The following BACH2 variants were observed in gnomAD, a reference collection of about 807,000 sequenced individuals.
BACH2 encodes the protein transcription regulator protein BACH2.
Under a neutral mutation model 61.8 loss-of-function variants are expected in BACH2, and 5 were observed. The ratio of observed to expected loss-of-function variants is 0.08; its 90% confidence interval spans 0.04 to 0.17. The LOEUF is 0.17. BACH2 is among the 10% of genes least tolerant of loss of function. The pLI is 1.00. For synonymous variants in BACH2, 446 were observed against 440.1 expected (o/e 1.01, Z -0.17); for missense variants, 824 against 1,091.1 (o/e 0.76, Z 3.45).
At chr6:90,104,590 T>C (rs899552735) in intron 4 of BACH2, among the ~76,000 whole-genome samples, 1 of 152,206 alleles carries the variant, frequency 6.6e-6, no homozygotes, top group Non-Finnish European at 1.5e-5. Context: ...CATCTTGCCT[T>C]ATGATCTCTC....
intron 6 of BACH2, among the ~76,000 whole-genome samples, chr6:90,006,509 C>T (rs1777413791): frequency 1.3e-5 from 2 of 152,240 alleles, no homozygotes; most frequent in African/African-American, 4.8e-5. Flanking sequence ...TGGGATCTCT[C>T]TAGCTACCTA....
intron 7 of BACH2, among the ~76,000 whole-genome samples, chr6:89,938,621 T>C (rs1450241165): frequency 6.6e-6 from 1 of 152,246 alleles, no homozygotes; most frequent in Non-Finnish European, 1.5e-5. Flanking sequence ...AAATGTGTCA[T>C]TTTTCATTGA....
intron 6 of BACH2, among the ~76,000 whole-genome samples, chr6:90,000,942 T>C (rs1478651569): frequency 6.6e-6 from 1 of 152,154 alleles, no homozygotes; most frequent in Non-Finnish European, 1.5e-5. Flanking sequence ...TACCTCTCAA[T>C]CCAAACATCC....
At chr6:90,117,680 G>A (rs1201371422) in intron 4 of BACH2, among the ~76,000 whole-genome samples, 1 of 152,080 alleles carries the variant, frequency 6.6e-6, no homozygotes, top group African/African-American at 2.4e-5. Flanking sequence ...TATGAACAAA[G>A]GAACTAATCC....
intron 5 of BACH2, among the ~76,000 whole-genome samples, chr6:90,075,759 C>T (rs1313286866): frequency 6.6e-6 from 1 of 152,058 alleles, no homozygotes; most frequent in Non-Finnish European, 1.5e-5. Context: ...GTTTCTTTCA[C>T]CAAGGACAAA....
rs533632322 is a variant in BACH2, at chr6:90,122,928, G to A, written c.-161-33819C>T. ...CATAAAACCGGAGAACTTAACGGCA[G>A]AGAAAAGTAAAATGGTAAATCTAGA... On this transcript the variant is annotated intron_variant, in intron 4 of 8. Coordinates refer to ENST00000257749, the MANE Select transcript of BACH2 (RefSeq NM_021813.4). 6.6e-5 allele frequency among the ~76,000 whole-genome samples: 10 copies of A among 152,316 alleles called. No homozygotes were observed. In the East Asian group the frequency reaches 9.6e-4, roughly 15 times the overall value.
At chr6:90,251,234 G>A (rs1770798414) in intron 3 of BACH2, among the ~76,000 whole-genome samples, 1 of 151,658 alleles carries the variant, frequency 6.6e-6, no homozygotes, top group Non-Finnish European at 1.5e-5. Flanking sequence ...AAACCTCAGT[G>A]TTGAACAAAC....
At chr6:90,099,994 T>A (rs1194899697) in intron 4 of BACH2, among the ~76,000 whole-genome samples, 1 of 152,220 alleles carries the variant, frequency 6.6e-6, no homozygotes, top group Non-Finnish European at 1.5e-5. Flanking sequence ...TGGATTTTCC[T>A]ATTCTACACA....
intron 5 of BACH2, among the ~76,000 whole-genome samples, chr6:90,054,098 G>A (rs1033525355): frequency 2.6e-5 from 4 of 152,190 alleles, no homozygotes; most frequent in African/African-American, 9.7e-5. Flanking sequence ...TCATCTCACT[G>A]GGGAGTGCCA....
intron 6 of BACH2, among the ~76,000 whole-genome samples, chr6:89,974,769 C>T (rs139117007): frequency 1.2e-3 from 181 of 152,252 alleles, no homozygotes; most frequent in Middle Eastern, 3.4e-3. Context: ...TGTTTACAAC[C>T]GTCCCTTAAA....
chr6:90,104,280 T>A (rs1284493330), intron 4 of BACH2: 3 of 152,140 alleles, frequency 2.0e-5, no homozygotes, highest in Non-Finnish European at 4.4e-5. Flanking sequence ...GGAACAAAGC[T>A]TGAAGGAGAG....
chr6:89,991,503 A>G (rs1425273755), intron 6 of BACH2, among the ~76,000 whole-genome samples: 1 of 152,108 alleles, frequency 6.6e-6, no homozygotes, highest in Non-Finnish European at 1.5e-5. Context: ...ACACATGCAT[A>G]TGTTTTCCCA....
intron 6 of BACH2, among the ~76,000 whole-genome samples, chr6:89,970,657 T>G (rs1281934541): frequency 1.3e-5 from 2 of 152,174 alleles, no homozygotes. Context: ...TTTCACTTAG[T>G]CAAGCTGGAC....
chr6:90,116,441 A>G (rs1026073377), intron 4 of BACH2, among the ~76,000 whole-genome samples: 19 of 152,154 alleles, frequency 1.2e-4, no homozygotes, highest in Admixed American at 1.1e-3. Context: ...GAGCTACGTG[A>G]TAAGAACTTA....
chr6:90,122,897 A>AT (rs1783690135), intron 4 of BACH2, among the ~76,000 whole-genome samples: 21 of 152,220 alleles, frequency 1.4e-4, no homozygotes, highest in Admixed American at 1.1e-3. Context: ...ACACATAAAA[A>AT]AGAGACATAA....
intron 4 of BACH2, among the ~76,000 whole-genome samples, chr6:90,122,422 A>T (rs1005234912): frequency 6.6e-6 from 1 of 151,934 alleles, no homozygotes; most frequent in African/African-American, 2.4e-5. Flanking sequence ...ATCAAAAAAA[A>T]GGTTTACAGG....
intron 1 of BACH2, among the ~76,000 whole-genome samples, chr6:90,281,302 T>C (rs1256607554): frequency 1.3e-5 from 2 of 152,254 alleles, no homozygotes; most frequent in Non-Finnish European, 2.9e-5. Context: ...TTTACAGTTA[T>C]TTCTATTTAA....
chr6:90,028,103 T>C (rs1291141894), intron 5 of BACH2, among the ~76,000 whole-genome samples: 5 of 152,204 alleles, frequency 3.3e-5, no homozygotes, highest in East Asian at 1.9e-4. Context: ...CATGACACTA[T>C]GTAGACTTCC....
chr6:90,149,702 A>T (rs1425593725), intron 4 of BACH2, among the ~76,000 whole-genome samples: 1 of 152,238 alleles, frequency 6.6e-6, no homozygotes, highest in Admixed American at 6.5e-5. Flanking sequence ...TGCTGGATAT[A>T]TAGGCAGATG....
Sources: gnomAD v4.1 joint callset for allele counts (sites outside exome capture counted in the v4.1 genomes callset) on GRCh38, gnomAD v4.1.1 for gene constraint, MANE v1.5 for transcripts, NCBI Gene and HGNC (gene_info 2026-07-23, HGNC 2026-07-21) for gene names.